Variants in QTMAN observed in about 807,000 individuals in gnomAD.
QTMAN encodes the protein tRNA-queuosine alpha-mannosyltransferase.
At chr2:144,218,785 C>G in the QTMAN span, among the ~76,000 whole-genome samples, 2 of 151,908 alleles carry the variant, frequency 1.3e-5, no homozygotes, top group Non-Finnish European at 2.9e-5. Flanking sequence ...GTGGCATTCC[C>G]TTGATGAGAT....
the QTMAN span, among the ~76,000 whole-genome samples, chr2:144,108,884 T>C: frequency 6.6e-6 from 1 of 152,076 alleles, no homozygotes; most frequent in East Asian, 1.9e-4. Context: ...CAAGAAAAAC[T>C]ACAAACCACT....
At chr2:144,157,120 G>C in the QTMAN span, among the ~76,000 whole-genome samples, 1 of 151,984 alleles carries the variant, frequency 6.6e-6, no homozygotes, top group Non-Finnish European at 1.5e-5. Flanking sequence ...ATGGGGGAAA[G>C]TTTACTCACC....
the QTMAN span, among the ~76,000 whole-genome samples, chr2:144,310,864 T>TA: frequency 6.6e-6 from 1 of 152,224 alleles, no homozygotes; most frequent in African/African-American, 2.4e-5. Flanking sequence ...GGAGATGTCA[T>TA]AAGACAGCTG....
chr2:144,223,066 A>G, the QTMAN span, among the ~76,000 whole-genome samples: 4 of 152,320 alleles, frequency 2.6e-5, no homozygotes, highest in East Asian at 7.7e-4. Context: ...TCCAAGCTCT[A>G]GTACTTTTTA....
chr2:144,154,671 A>T, the QTMAN span, among the ~76,000 whole-genome samples: 10 of 152,232 alleles, frequency 6.6e-5, no homozygotes, highest in Non-Finnish European at 1.2e-4. Flanking sequence ...CTAGTCTGTT[A>T]TATAATTTTA....
At chr2:144,272,987 G>A in the QTMAN span, among the ~76,000 whole-genome samples, 7 of 151,982 alleles carry the variant, frequency 4.6e-5, no homozygotes, top group African/African-American at 1.7e-4. Flanking sequence ...AGAATTCTTA[G>A]TAATAATTAT....
the QTMAN span, chr2:144,145,601 G>C: frequency 4.3e-6 from 7 of 1,609,908 alleles, no homozygotes; most frequent in East Asian, 1.1e-4. Context: ...ATCCATATTG[G>C]AAATCCCTCT....
chr2:144,296,511 A>G, the QTMAN span, among the ~76,000 whole-genome samples: 1 of 152,358 alleles, frequency 6.6e-6, no homozygotes, highest in Non-Finnish European at 1.5e-5. Context: ...AAAAAATATT[A>G]AAGTACAAAA....
At chr2:143,960,085 T>C in the QTMAN span, among the ~76,000 whole-genome samples, 6 of 152,112 alleles carry the variant, frequency 3.9e-5, no homozygotes, top group South Asian at 1.2e-3. Context: ...TGAGCCACAA[T>C]GTAAATATAT....
the QTMAN span, among the ~76,000 whole-genome samples, chr2:144,236,023 G>A: frequency 2.6e-5 from 4 of 151,534 alleles, no homozygotes; most frequent in African/African-American, 7.3e-5. Context: ...TTTAACCTTG[G>A]TCACTGGATG....
the QTMAN span, chr2:144,011,639 GTAAA>G: frequency 5.9e-6 from 4 of 673,390 alleles, no homozygotes; most frequent in African/African-American, 7.3e-5. Context: ...TTCTATGCTA[GTAAA>G]AAAAAAAAAA....
chr2:144,254,043 C>T, the QTMAN span, among the ~76,000 whole-genome samples: 1 of 152,230 alleles, frequency 6.6e-6, no homozygotes, highest in East Asian at 1.9e-4. Context: ...CAATGCACAG[C>T]TCAGGCTGTT....
At chr2:144,040,292 G>A in the QTMAN span, among the ~76,000 whole-genome samples, 9 of 151,970 alleles carry the variant, frequency 5.9e-5, no homozygotes, top group Admixed American at 5.2e-4. Flanking sequence ...CCTCATGACT[G>A]TTGTTTTAAA....
At chr2:144,225,655 C>CAAA in the QTMAN span, among the ~76,000 whole-genome samples, 1 of 152,198 alleles carries the variant, frequency 6.6e-6, no homozygotes, top group South Asian at 2.1e-4. Flanking sequence ...CTTTTGCCTT[C>CAAA]ATGACCTGTC....
At chr2:144,316,320 C>A in the QTMAN span, among the ~76,000 whole-genome samples, 2 of 151,944 alleles carry the variant, frequency 1.3e-5, no homozygotes, top group African/African-American at 4.8e-5. Context: ...TACAGAGCTG[C>A]ATATATCTGC....
the QTMAN span, among the ~76,000 whole-genome samples, chr2:143,968,236 G>T: frequency 1.9e-4 from 29 of 152,216 alleles, no homozygotes; most frequent in Non-Finnish European, 1.3e-4. Flanking sequence ...GCTACTAGGA[G>T]TAACAGAAGC....
the QTMAN span, among the ~76,000 whole-genome samples, chr2:144,141,358 G>T: frequency 6.6e-6 from 1 of 151,242 alleles, no homozygotes; most frequent in African/African-American, 2.4e-5. Flanking sequence ...AAAGAGAAAT[G>T]GCAATTAGGT....
chr2:144,320,998 A>C, the QTMAN span, among the ~76,000 whole-genome samples: 1 of 152,184 alleles, frequency 6.6e-6, no homozygotes, highest in Non-Finnish European at 1.5e-5. Flanking sequence ...ATAACAAGAG[A>C]CCAAGAAAAT....
chr2:143,998,491 T>C, the QTMAN span, among the ~76,000 whole-genome samples: 1 of 151,942 alleles, frequency 6.6e-6, no homozygotes, highest in African/African-American at 2.4e-5. Context: ...TTGGAATTTT[T>C]TGGTATGACT....
Sources: allele counts gnomAD v4.1 joint callset (sites outside exome capture counted in the v4.1 genomes callset), GRCh38; gene constraint gnomAD v4.1.1; transcripts MANE v1.5; gene names NCBI Gene and HGNC (gene_info 2026-07-23, HGNC 2026-07-21).